The following RIMS2 variants were observed in gnomAD, a reference collection of about 807,000 sequenced individuals.
The protein encoded by RIMS2 is regulating synaptic membrane exocytosis 2.
A neutral mutation model predicts 174.4 loss-of-function variants in RIMS2; 59 were observed. The observed-to-expected ratio is 0.34, with a 90% CI of 0.27 to 0.42. RIMS2 has a LOEUF of 0.42. Ranked by LOEUF, RIMS2 falls within the 10% of genes least tolerant of loss-of-function variation. The probability of loss-of-function intolerance (pLI) is 1.00; values close to 1 mark genes in which losing one functional copy is unlikely to be tolerated. For missense variants in RIMS2, 1,620 were observed against 1,666.3 expected (o/e 0.97, Z 0.48); for synonymous variants, 606 against 572.5 (o/e 1.06, Z -0.84).
At chr8:103,616,533 G>A (rs555884778) in intron 1 of RIMS2, among the ~76,000 whole-genome samples, 25 of 152,152 alleles carry the variant, frequency 1.6e-4, no homozygotes, top group Admixed American at 7.2e-4. Flanking sequence ...AGTCAGGCAA[G>A]AGAAAGAAAT....
intron 19 of RIMS2, among the ~76,000 whole-genome samples, chr8:104,149,118 A>G (rs1385743037): frequency 1.3e-5 from 2 of 152,142 alleles, no homozygotes; most frequent in Non-Finnish European, 2.9e-5. Flanking sequence ...GTGACACCCA[A>G]TTGCCAGCTG....
At chr8:103,873,204 G>T (rs1435113091) in intron 3 of RIMS2, among the ~76,000 whole-genome samples, 1 of 151,970 alleles carries the variant, frequency 6.6e-6, no homozygotes, top group Non-Finnish European at 1.5e-5. Flanking sequence ...CTTCTATTCT[G>T]CCCCTTAGGA....
chr8:103,642,131 C>CTTCTAAT (rs1400412629), intron 1 of RIMS2, among the ~76,000 whole-genome samples: 1 of 151,984 alleles, frequency 6.6e-6, no homozygotes, highest in Non-Finnish European at 1.5e-5. Context: ...CTTATTTTAT[C>CTTCTAAT]TTCTAATTTT....
chr8:103,798,099 G>A lies in RIMS2; in HGVS notation c.698+31562G>A, dbSNP rs1268052566. On this transcript the variant is annotated intron_variant, in intron 3 of 23. Coordinates refer to ENST00000504942, the Ensembl canonical transcript of RIMS2. ...GTACATAGTCTACAATATTGATTAA[G>A]TATATACTTTATATATAACAGTTTA... is the stretch of plus-strand genomic sequence containing the variant. Among the ~76,000 whole-genome samples, 4 of 152,032 alleles carry A rather than the reference G, an allele frequency of 2.6e-5. No homozygotes were observed. The South Asian group carries it at 6.2e-4, about 24-fold the overall frequency.
intron 19 of RIMS2, among the ~76,000 whole-genome samples, chr8:104,163,753 T>A (rs1230702624): frequency 6.6e-6 from 1 of 151,708 alleles, no homozygotes; most frequent in Non-Finnish European, 1.5e-5. Context: ...TGTAAAAGGG[T>A]GGTTTTGGTT....
chr8:103,711,540 A>G (rs1332620588), intron 2 of RIMS2, among the ~76,000 whole-genome samples: 2 of 152,140 alleles, frequency 1.3e-5, no homozygotes, highest in Admixed American at 6.5e-5. Flanking sequence ...AATGGGTTCT[A>G]TAGTAGACAT....
At chr8:104,060,576 C>T (rs887906490) in intron 19 of RIMS2, among the ~76,000 whole-genome samples, 3 of 150,886 alleles carry the variant, frequency 2.0e-5, no homozygotes, top group Non-Finnish European at 1.5e-5. Context: ...TCCTTCAGTT[C>T]TGCTCTGATT....
In RIMS2 at chr8:104,072,884, C is replaced by T. The variant is rs558285073; in HGVS notation, c.3334+58269C>T. Among the ~76,000 whole-genome samples the T allele has an allele frequency of 3.3e-5, 5 of 152,200 alleles. No individual in the cohort carries two copies. In the East Asian group the frequency reaches 9.6e-4, roughly 29 times the overall value. ...GAAGAGAGTCTATTTTTAATAAGAG[C>T]AGCAAAGGCATGTACAGACATGATT... On this transcript the variant is annotated intron_variant, in intron 19 of 23. Coordinates refer to ENST00000504942, the Ensembl canonical transcript of RIMS2.
At chr8:104,076,512 A>G (rs1215110394) in intron 19 of RIMS2, among the ~76,000 whole-genome samples, 1 of 152,210 alleles carries the variant, frequency 6.6e-6, no homozygotes, top group Non-Finnish European at 1.5e-5. Flanking sequence ...ATTGGTACAC[A>G]ATATTATTAA....
At chr8:104,219,231 C>T (rs967935576) in intron 19 of RIMS2, among the ~76,000 whole-genome samples, 29 of 151,902 alleles carry the variant, frequency 1.9e-4, no homozygotes, top group Non-Finnish European at 4.1e-4. Flanking sequence ...GATGCATTGT[C>T]GACATTTATT....
intron 19 of RIMS2, among the ~76,000 whole-genome samples, chr8:104,174,361 G>T (rs2098857148): frequency 6.6e-6 from 1 of 152,132 alleles, no homozygotes; most frequent in Admixed American, 6.5e-5. Flanking sequence ...TGTTGTTGGG[G>T]TGGAGGTTAA....
chr8:104,224,047 G>C (rs948651483), intron 19 of RIMS2, among the ~76,000 whole-genome samples: 1 of 152,258 alleles, frequency 6.6e-6, no homozygotes, highest in Non-Finnish European at 1.5e-5. Flanking sequence ...GTGCTTGGAA[G>C]TTGAAAGAGA....
intron 3 of RIMS2, among the ~76,000 whole-genome samples, chr8:103,769,236 C>T (rs929970474): frequency 5.3e-5 from 8 of 152,096 alleles, no homozygotes; most frequent in Admixed American, 6.6e-5. Flanking sequence ...CAGGAAGTTA[C>T]GTGTGTTAAA....
At chr8:104,006,200 A>C (rs548087371) in intron 17 of RIMS2, among the ~76,000 whole-genome samples, 2 of 151,996 alleles carry the variant, frequency 1.3e-5, no homozygotes, top group African/African-American at 4.8e-5. Flanking sequence ...TTGTATTTCA[A>C]TCTTTCTTCC....
intron 4 of RIMS2, among the ~76,000 whole-genome samples, chr8:103,894,999 T>A (rs1180220432): frequency 1.3e-5 from 2 of 151,580 alleles, no homozygotes; most frequent in East Asian, 3.9e-4. Flanking sequence ...CTAAAAAAAT[T>A]AAGTTTTAAA....
rs1198992602 is a variant in RIMS2, at chr8:103,630,724, G to A, written c.177-66362G>A. ...TATGAAAAGAGATGTGCCAAAAACAGTATAGATAAAATAAAATGAAATACT... is the reference window on the plus strand; with the variant it reads ...TATGAAAAGAGATGTGCCAAAAACAATATAGATAAAATAAAATGAAATACT... On this transcript the variant is annotated intron_variant, in intron 1 of 23. Coordinates refer to ENST00000504942, the Ensembl canonical transcript of RIMS2. 2.6e-5 allele frequency among the ~76,000 whole-genome samples: 4 copies of A among 151,554 alleles called. No homozygotes were observed. In the South Asian group the frequency reaches 6.2e-4, roughly 24 times the overall value.
At chr8:103,500,719 C>A, upstream of RIMS2, 1 of 538,414 alleles carries the variant, frequency 1.9e-6, no homozygotes, top group Non-Finnish European at 3.3e-6. Context: ...CTCGCCCTCC[C>A]CTCCCCCTGC....
chr8:103,759,870 C>T (rs999876954), intron 2 of RIMS2, among the ~76,000 whole-genome samples: 3 of 152,092 alleles, frequency 2.0e-5, no homozygotes, highest in Non-Finnish European at 2.9e-5. Flanking sequence ...ATCAGACTAT[C>T]GATTGGATGA....
chr8:103,531,887 T>A (rs1471053088), intron 1 of RIMS2, among the ~76,000 whole-genome samples: 4 of 152,204 alleles, frequency 2.6e-5, no homozygotes, highest in African/African-American at 9.7e-5. Context: ...TCTTTAACAC[T>A]ATCTCAGCAG....
Sources: gnomAD v4.1 joint callset for allele counts (sites outside exome capture counted in the v4.1 genomes callset) on GRCh38, gnomAD v4.1.1 for gene constraint, MANE v1.5 for transcripts, NCBI Gene and HGNC (gene_info 2026-07-23, HGNC 2026-07-21) for gene names.